The following CEP350 variants were observed in gnomAD, a reference collection of about 807,000 sequenced individuals.
The protein encoded by CEP350 is centrosome-associated protein 350.
CEP350 carries 126 observed loss-of-function variants against 331.8 expected under a neutral mutation model. The observed-to-expected ratio is 0.38, with a 90% CI of 0.33 to 0.44. The LOEUF (loss-of-function observed/expected upper bound fraction) is 0.44, where lower values mean the gene tolerates loss of function less well. Among genes scored for constraint, CEP350 ranks in the 20% least tolerant of loss-of-function variants. The pLI, the probability that CEP350 is intolerant of heterozygous loss-of-function variation, is 1.00. For missense variants in CEP350, 3,406 were observed against 3,634.6 expected, an observed-to-expected ratio of 0.94 and a Z score of 1.62; for synonymous variants, 1,200 against 1,259.5, an observed-to-expected ratio of 0.95 and a Z score of 1.00.
At chr1:180,106,353 T>C (rs1661143442) in intron 37 of CEP350, among the ~76,000 whole-genome samples, 1 of 152,242 alleles carries the variant, frequency 6.6e-6, no homozygotes, top group Non-Finnish European at 1.5e-5. Context: ...TACAATTTGC[T>C]TCTATAGCTT....
At chr1:180,052,923 T>G in intron 22 of CEP350, 47 bp from the exon 23 acceptor site, 1 of 721,338 alleles carries the variant, frequency 1.4e-6, no homozygotes, top group Non-Finnish European at 2.3e-6. Context: ...GAATACCTAC[T>G]GAGAACAATT....
At chr1:179,986,876 T>C (rs1011660218) in intron 2 of CEP350, among the ~76,000 whole-genome samples, 10 of 152,232 alleles carry the variant, frequency 6.6e-5, no homozygotes, top group African/African-American at 2.4e-4. Context: ...TCTAATCTTT[T>C]TCACATTGTA....
chr1:180,098,988 C>A lies in CEP350; in HGVS notation c.9189+3C>A. The stretch of plus-strand genomic sequence containing the variant: ...GAGACCGAGTGGATCATATCCTGGT[C>A]AGTGTATACAACCAAACTGTTTTTA... On this transcript the variant is annotated splice_donor_region_variant and intron_variant, in intron 37 of 37. Coordinates refer to ENST00000367607, the MANE Select transcript of CEP350 (RefSeq NM_014810.5). 6.2e-7 allele frequency: 1 copy of A among 1,609,988 alleles called. No individual in the cohort carries two copies. Among genetic ancestry groups the A allele is most frequent in the South Asian group, 1.1e-5 (1 of 90,614 alleles).
At position 180,113,510 on chromosome 1, in the gene CEP350, G is replaced by C. The variant is rs1661547416; in HGVS notation, c.*2349G>C. ...CTGAAGAATCCTAGGCTCCACATGA[G>C]AGGCAGAAATGGATCAGTCTTATTC... On this transcript the variant is annotated 3_prime_UTR_variant, in exon 38 of 38. Coordinates refer to ENST00000367607, the MANE Select transcript of CEP350 (RefSeq NM_014810.5). 6.6e-6 allele frequency: 1 copy of C among 151,994 alleles called. No individual in the cohort carries two copies. The allele number at this position is 151,994 out of a possible 1,614,324, so 9.4% of individuals were successfully genotyped here.
At chr1:180,037,760 C>G (rs1229953609) in intron 17 of CEP350, among the ~76,000 whole-genome samples, 2 of 152,166 alleles carry the variant, frequency 1.3e-5, no homozygotes, top group Non-Finnish European at 2.9e-5. Flanking sequence ...CGCCATTCTC[C>G]TGGCTCAGCC....
chr1:180,049,198 A>G (rs1407386829), intron 22 of CEP350, among the ~76,000 whole-genome samples: 1 of 152,212 alleles, frequency 6.6e-6, no homozygotes, highest in Non-Finnish European at 1.5e-5. Flanking sequence ...TCTCATTAAT[A>G]TTTACTAAAC....
At chr1:180,110,860 A>C in intron 37 of CEP350, 137 bp from the exon 38 acceptor site, 1 of 696,706 alleles carries the variant, frequency 1.4e-6, no homozygotes. Flanking sequence ...GGGTATTGAT[A>C]TCATATGAAT....
At chr1:180,035,136 A>G (rs1656266083) in intron 16 of CEP350, among the ~76,000 whole-genome samples, 1 of 152,244 alleles carries the variant, frequency 6.6e-6, no homozygotes, top group Non-Finnish European at 1.5e-5. Context: ...TCTTTAAGCC[A>G]AAGCTTAATC....
intron 5 of CEP350, among the ~76,000 whole-genome samples, chr1:179,995,562 C>T (rs1653403990): frequency 6.6e-6 from 1 of 152,182 alleles, no homozygotes; most frequent in Non-Finnish European, 1.5e-5. Flanking sequence ...CGAGATCGCA[C>T]CACTGCACTC....
chr1:180,019,379 T>C (rs1459303913), intron 11 of CEP350, among the ~76,000 whole-genome samples: 3 of 152,256 alleles, frequency 2.0e-5, no homozygotes, highest in Non-Finnish European at 2.9e-5. Context: ...CATTTGATTG[T>C]TTCACGTTCA....
At chr1:180,011,875 C>T in intron 8 of CEP350, 54 bp from the exon 9 acceptor site, 1 of 1,221,248 alleles carries the variant, frequency 8.2e-7, no homozygotes, top group Non-Finnish European at 1.2e-6. Context: ...TGAGTAGATA[C>T]ACTTCTTACA....
chr1:180,086,538 T>C (rs1453441608), intron 31 of CEP350, among the ~76,000 whole-genome samples: 1 of 39,442 alleles, frequency 2.5e-5, no homozygotes, highest in Non-Finnish European at 5.8e-5. Context: ...ATATGAGATA[T>C]GCATATATAT....
intron 32 of CEP350, 100 bp downstream of exon 32, chr1:180,087,817 G>A (rs932046887): frequency 8.4e-7 from 1 of 1,191,968 alleles, no homozygotes; most frequent in Non-Finnish European, 1.1e-6. Flanking sequence ...TGAAATTACA[G>A]AAGTAAAAAT....
rs1447689188 is a variant in CEP350 at position 180,083,478 on chromosome 1, CAG to C, written c.6125-537_6125-536del. Among the ~76,000 whole-genome samples, 3 of 152,238 alleles carry C rather than the reference CAG, an allele frequency of 2.0e-5. No individual in the cohort carries two copies. The East Asian group carries it at 5.8e-4, about 29-fold the overall frequency. ...GAGAGCTTTCAAAGAGAGATTACAG[CAG>C]AGTCTATTTCTTTATAACTTCTCTC... On this transcript the variant is annotated intron_variant, in intron 30 of 37. Transcript: ENST00000367607.
intron 31 of CEP350, among the ~76,000 whole-genome samples, chr1:180,085,120 T>TCCCTTC (rs1304069758): frequency 6.7e-6 from 1 of 149,934 alleles, no homozygotes; most frequent in Non-Finnish European, 1.5e-5. Flanking sequence ...CCTTTCCCTT[T>TCCCTTC]CCCTTCCCCT....
In CEP350 at chr1:180,014,106, A is replaced by C. The variant is rs1274521427; in HGVS notation, c.1653A>C (p.Leu551Phe). The C allele has an allele frequency of 2.5e-6, 4 of 1,611,128 alleles. No individual in the cohort carries two copies. The East Asian group carries it at 8.9e-5, about 36-fold the overall frequency. The change falls in exon 10 of 38, where the codon TTA becomes TTC. Residue 551 changes from leucine to phenylalanine, a missense_variant. Coordinates refer to ENST00000367607, the MANE Select transcript of CEP350 (RefSeq NM_014810.5). ...CTGCAAAGCAAGATACTGTAGAGTT[A>C]CAGAACCAGAAGTCATCAGCACCAG... ...AHTAKQDTVE[L>F]QNQKSSAPVH... is the part of the protein sequence containing the mutation.
rs898262771 is a variant in CEP350 at position 180,004,181 on chromosome 1, G to GT, written c.1132+900dup. 3.3e-5 allele frequency among the ~76,000 whole-genome samples: 5 copies of GT among 152,020 alleles called. No homozygotes were observed. In the East Asian group the frequency reaches 9.6e-4, roughly 29 times the overall value. The stretch of plus-strand genomic sequence containing the variant: ...TATGTTACATAACTTCTCTTTATTG[G>GT]TTTTTTCATCTGTAAGATAGGGATA... On this transcript the variant is annotated intron_variant, in intron 7 of 37. Transcript: ENST00000367607.
rs1273353262 is a variant in CEP350 at position 180,087,709 on chromosome 1, A to G, written c.6417A>G (p.Pro2139=). 4 of 1,529,744 alleles carry G rather than the reference A, an allele frequency of 2.6e-6. No individual in the cohort carries two copies. In the South Asian group the frequency reaches 4.0e-5, roughly 15 times the overall value. The allele number at this position is 1,529,744 out of a possible 1,614,324, so 94.8% of individuals were successfully genotyped here. A position where few individuals can be genotyped will look rare whatever the true frequency, so the allele number is the denominator to read the frequency against. ...AACCCAAGATCAAACCCCTCACACC[A>G]CTACACAGGTAGAAATTTTTGATAA... The part of the protein sequence containing the change: ...SEKPKIKPLT[P]LHRSETAKNW... The change falls in exon 32 of 38, where the codon CCA becomes CCG. Residue 2139 remains proline, a synonymous_variant. Transcript: ENST00000367607.
intron 1 of CEP350, among the ~76,000 whole-genome samples, chr1:179,978,745 G>A (rs985890383): frequency 6.6e-5 from 10 of 152,014 alleles, no homozygotes; most frequent in African/African-American, 2.2e-4. Context: ...GTATTCCATT[G>A]TGCATATATA....
Sources: allele counts gnomAD v4.1 joint callset (sites outside exome capture counted in the v4.1 genomes callset), GRCh38; gene constraint gnomAD v4.1.1; transcripts MANE v1.5; gene names NCBI Gene and HGNC (gene_info 2026-07-23, HGNC 2026-07-21).